ZNF804B: variants seen among roughly 807,000 people sequenced by gnomAD.
ZNF804B encodes the protein zinc finger protein 804B, also known as zinc finger 804B.
A neutral mutation model predicts 101.4 loss-of-function variants in ZNF804B; 80 were observed. The ratio of observed to expected loss-of-function variants is 0.79; its 90% CI spans 0.66 to 0.95. The LOEUF is 0.95. Ranked by LOEUF, ZNF804B falls within the 40% of genes least tolerant of loss-of-function variation. The pLI, the probability that ZNF804B is intolerant of heterozygous loss-of-function variation, is 0.00. For synonymous variants in ZNF804B, 622 were observed against 558.8 expected (o/e 1.11, Z -1.59); for missense variants, 1,673 against 1,561.9 (o/e 1.07, Z -1.20).
At chr7:89,323,035 A>T (rs1296247543) in intron 2 of ZNF804B, among the ~76,000 whole-genome samples, 2 of 152,212 alleles carry the variant, frequency 1.3e-5, no homozygotes, top group African/African-American at 4.8e-5. Context: ...ATTGGACATG[A>T]GGGCGTAGCC....
rs117498181 is a variant in ZNF804B, at chr7:89,008,671, C to A, written c.109-209484C>A. Among the ~76,000 whole-genome samples the A allele has an allele frequency of 5.1e-3, 771 of 152,142 alleles. 6 individuals are homozygous for A. Among genetic ancestry groups the A allele is most frequent in the Middle Eastern group, 0.017 (5 of 292 alleles). ...CCACATTCTCACCATTATGAGAATA[C>A]CTTACCCCTACTTAAGAAGAAATAT... is the stretch of plus-strand genomic sequence containing the variant. On this transcript the variant is annotated intron_variant, in intron 1 of 3. Coordinates refer to ENST00000333190, the MANE Select transcript of ZNF804B (RefSeq NM_181646.5).
chr7:89,255,386 AAACAG>A (rs1206323588), intron 2 of ZNF804B, among the ~76,000 whole-genome samples: 1 of 152,186 alleles, frequency 6.6e-6, no homozygotes, highest in Admixed American at 6.5e-5. Context: ...ATAGTGATTA[AAACAG>A]AACAGTGGTG....
At chr7:88,915,145 AT>A (rs1474333606) in intron 1 of ZNF804B, among the ~76,000 whole-genome samples, 1 of 152,104 alleles carries the variant, frequency 6.6e-6, no homozygotes, top group Non-Finnish European at 1.5e-5. Flanking sequence ...TTAAGAGAAA[AT>A]AATTGCTTAT....
chr7:89,043,500 A>G (rs1186123740), intron 1 of ZNF804B, among the ~76,000 whole-genome samples: 1 of 152,210 alleles, frequency 6.6e-6, no homozygotes, highest in Non-Finnish European at 1.5e-5. Flanking sequence ...GCTATAGAGT[A>G]AATTTAGTTC....
At chr7:88,772,255 AAAG>A (rs758580929) in intron 1 of ZNF804B, among the ~76,000 whole-genome samples, 7 of 152,312 alleles carry the variant, frequency 4.6e-5, no homozygotes, top group African/African-American at 1.7e-4. Flanking sequence ...GTCATCATTG[AAAG>A]AAGATTTGTG....
intron 1 of ZNF804B, among the ~76,000 whole-genome samples, chr7:89,095,705 A>T (rs977208244): frequency 6.6e-6 from 1 of 152,354 alleles, no homozygotes; most frequent in African/African-American, 2.4e-5. Context: ...ACAAATGAGA[A>T]TCCCAACAAG....
At chr7:88,798,185 T>G (rs965468941) in intron 1 of ZNF804B, among the ~76,000 whole-genome samples, 4 of 152,104 alleles carry the variant, frequency 2.6e-5, no homozygotes, top group South Asian at 2.1e-4. Flanking sequence ...ACATGTGTCT[T>G]TCTACCTTTT....
At chr7:88,905,346 A>G (rs966895927) in intron 1 of ZNF804B, among the ~76,000 whole-genome samples, 1 of 151,676 alleles carries the variant, frequency 6.6e-6, no homozygotes, top group African/African-American at 2.4e-5. Context: ...TGAATACAGT[A>G]TGCTAGTTTT....
chr7:88,851,466 T>A (rs1358661565), intron 1 of ZNF804B, among the ~76,000 whole-genome samples: 1 of 152,002 alleles, frequency 6.6e-6, no homozygotes, highest in Non-Finnish European at 1.5e-5. Context: ...TAAAAGACAG[T>A]GGAGCAACAT....
intron 1 of ZNF804B, among the ~76,000 whole-genome samples, chr7:88,801,018 G>C (rs202011808): frequency 2.4e-5 from 2 of 83,680 alleles, no homozygotes; most frequent in African/African-American, 1.3e-4. Flanking sequence ...AACCCTGACT[G>C]TCTATTAGAA....
chr7:89,145,488 G>A lies in ZNF804B; in HGVS notation c.109-72667G>A, dbSNP rs189996420. On this transcript the variant is annotated intron_variant, in intron 1 of 3. Coordinates refer to ENST00000333190, the MANE Select transcript of ZNF804B (RefSeq NM_181646.5). The stretch of plus-strand genomic sequence containing the variant: ...TTAAAATTTACTTAATATCTACTAT[G>A]TGTCCAGTACTGTGCTAGGCAAGAG... 2.0e-3 allele frequency among the ~76,000 whole-genome samples: 304 copies of A among 152,094 alleles called. 1 individual carries two copies. The highest frequency in any genetic ancestry group is 3.4e-3 in the Non-Finnish European group (229 of 67,968).
intron 1 of ZNF804B, among the ~76,000 whole-genome samples, chr7:88,835,032 A>G (rs1791190812): frequency 6.6e-6 from 1 of 151,766 alleles, no homozygotes; most frequent in Non-Finnish European, 1.5e-5. Flanking sequence ...TCTCCTACGA[A>G]CGGAACTGTA....
chr7:88,985,579 C>T (rs1793748170), intron 1 of ZNF804B, among the ~76,000 whole-genome samples: 1 of 152,060 alleles, frequency 6.6e-6, no homozygotes, highest in Middle Eastern at 3.2e-3. Flanking sequence ...GTCAGCTCAC[C>T]TATTTGAGCT....
At chr7:89,289,364 A>G (rs558874645) in intron 2 of ZNF804B, among the ~76,000 whole-genome samples, 3 of 151,708 alleles carry the variant, frequency 2.0e-5, no homozygotes, top group Non-Finnish European at 4.4e-5. Flanking sequence ...CCAACAAACA[A>G]CAACAACAAA....
At chr7:89,070,368 G>C (rs1789516824) in intron 1 of ZNF804B, among the ~76,000 whole-genome samples, 1 of 152,114 alleles carries the variant, frequency 6.6e-6, no homozygotes, top group African/African-American at 2.4e-5. Context: ...GCTGGGGTGT[G>C]ACACGGGGAT....
At chr7:89,171,076 C>T (rs190933145) in intron 1 of ZNF804B, among the ~76,000 whole-genome samples, 170 of 152,244 alleles carry the variant, frequency 1.1e-3, no homozygotes, top group African/African-American at 4.0e-3. Flanking sequence ...ATATGAATGA[C>T]CAATAAGGCT....
chr7:89,009,513 GAATGTTT>G (rs1201209732), intron 1 of ZNF804B, among the ~76,000 whole-genome samples: 1 of 152,182 alleles, frequency 6.6e-6, no homozygotes, highest in Non-Finnish European at 1.5e-5. Context: ...GCAATGGACT[GAATGTTT>G]ATGTGTCCCC....
At chr7:89,276,355 G>C (rs1430405843) in intron 2 of ZNF804B, among the ~76,000 whole-genome samples, 2 of 151,650 alleles carry the variant, frequency 1.3e-5, no homozygotes, top group Admixed American at 1.3e-4. Context: ...CAGTTATATA[G>C]GTAAAAGACC....
At chr7:88,976,847 T>C (rs1793621102) in intron 1 of ZNF804B, among the ~76,000 whole-genome samples, 1 of 151,694 alleles carries the variant, frequency 6.6e-6, no homozygotes, top group African/African-American at 2.4e-5. Flanking sequence ...GTTTTTCCCA[T>C]TCACTATGAT....
Sources: gnomAD v4.1 joint callset for allele counts (sites outside exome capture counted in the v4.1 genomes callset) on GRCh38, gnomAD v4.1.1 for gene constraint, MANE v1.5 for transcripts, NCBI Gene and HGNC (gene_info 2026-07-23, HGNC 2026-07-21) for gene names.